The following LRRC7 variants were observed in gnomAD, a reference collection of about 807,000 sequenced individuals.
The protein encoded by LRRC7 is leucine-rich repeat-containing protein 7.
LRRC7 carries 23 observed loss-of-function variants against 175.7 expected under a neutral mutation model. The ratio of observed to expected loss-of-function variants is 0.13; its 90% confidence interval spans 0.09 to 0.19. The LOEUF (loss-of-function observed/expected upper bound fraction) is 0.19, where lower values mean the gene tolerates loss of function less well. Ranked by LOEUF, LRRC7 falls within the 10% of genes least tolerant of loss-of-function variation. LRRC7 has a pLI of 1.00. For missense variants in LRRC7, 1,354 were observed against 1,904.7 expected, an observed-to-expected ratio of 0.71 and a Z score of 5.38; for synonymous variants, 685 against 680.9, an observed-to-expected ratio of 1.01 and a Z score of -0.09.
chr1:69,771,841 C>G (rs141902898), intron 3 of LRRC7, among the ~76,000 whole-genome samples: 27 of 152,196 alleles, frequency 1.8e-4, no homozygotes, highest in Non-Finnish European at 3.5e-4. Flanking sequence ...AAGCAGGGGT[C>G]CAGGCACGGT....
rs1673708694 is a variant in LRRC7 at position 69,781,815 on chromosome 1, AAGG to A, written c.304-10226_304-10224del. Among the ~76,000 whole-genome samples, 8 of 97,864 alleles carry A rather than the reference AAGG, an allele frequency of 8.2e-5. 1 individual carries two copies. The highest frequency in any genetic ancestry group is 1.4e-4 in the Non-Finnish European group (7 of 48,660). 64.2% of individuals were successfully genotyped at this position (97,864 alleles called of 152,430 possible). ...GAAGGAAGGAAGGAAGGAAGGAAGG[AAGG>A]AAGGAAGGAAGGAAGGAAGGAAGGA... is the stretch of plus-strand genomic sequence containing the variant. On this transcript the variant is annotated intron_variant, in intron 3 of 26. Coordinates refer to ENST00000651989, the MANE Select transcript of LRRC7 (RefSeq NM_001370785.2).
chr1:69,742,150 C>G (rs1233111403), intron 2 of LRRC7, among the ~76,000 whole-genome samples: 1 of 151,940 alleles, frequency 6.6e-6, no homozygotes, highest in Non-Finnish European at 1.5e-5. Flanking sequence ...GAATAAAGTA[C>G]AGTGAGTACA....
At chr1:69,667,425 G>A (rs1658424280) in intron 1 of LRRC7, among the ~76,000 whole-genome samples, 1 of 152,022 alleles carries the variant, frequency 6.6e-6, no homozygotes, top group Admixed American at 6.6e-5. Context: ...AGCTTTTATT[G>A]TGTTGGGTTC....
At chr1:69,655,346 G>A (rs936929987) in intron 1 of LRRC7, among the ~76,000 whole-genome samples, 8 of 152,012 alleles carry the variant, frequency 5.3e-5, no homozygotes, top group Non-Finnish European at 1.0e-4. Context: ...CACCCCTGGA[G>A]AGTACAGCTT....
At chr1:69,744,844 AT>A (rs1669086798) in intron 2 of LRRC7, among the ~76,000 whole-genome samples, 1 of 151,910 alleles carries the variant, frequency 6.6e-6, no homozygotes, top group Admixed American at 6.6e-5. Flanking sequence ...TATTATAAAA[AT>A]ACACTTCCCT....
chr1:70,074,442 A>C (rs1442983886), intron 23 of LRRC7, among the ~76,000 whole-genome samples: 3 of 152,216 alleles, frequency 2.0e-5, no homozygotes, highest in East Asian at 1.9e-4. Context: ...ATTTCTGAGA[A>C]AGGAATAGAT....
chr1:69,824,193 T>C (rs1018573056), intron 4 of LRRC7, among the ~76,000 whole-genome samples: 2 of 152,082 alleles, frequency 1.3e-5, no homozygotes, highest in South Asian at 2.1e-4. Flanking sequence ...TAAGGCATCA[T>C]GTATAGCAGC....
intron 2 of LRRC7, among the ~76,000 whole-genome samples, chr1:69,680,390 A>G (rs1660328897): frequency 6.6e-6 from 1 of 152,182 alleles, no homozygotes; most frequent in South Asian, 2.1e-4. Context: ...TAAAGTATGT[A>G]TGTTAAGCTA....
intron 1 of LRRC7, among the ~76,000 whole-genome samples, chr1:69,659,090 T>TA: frequency 6.6e-6 from 1 of 152,088 alleles, no homozygotes; most frequent in African/African-American, 2.4e-5. Context: ...CACAGCCTAC[T>TA]AAGGAGGCAG....
At position 70,126,227 on chromosome 1, in the gene LRRC7, A is replaced by C. The variant is rs902882496; in HGVS notation, c.*4340A>C. On this transcript the variant is annotated 3_prime_UTR_variant, in exon 27 of 27. Transcript: ENST00000651989. ...CTCAAAGTCTTTGATAAATTCGATCAAACAACATATTTGACTAATTTGTGA... is the reference window on the plus strand; with the variant it reads ...CTCAAAGTCTTTGATAAATTCGATCCAACAACATATTTGACTAATTTGTGA... Among the ~76,000 whole-genome samples, 1 of 152,188 alleles carries C rather than the reference A, an allele frequency of 6.6e-6. No individual in the cohort carries two copies. The highest frequency in any genetic ancestry group is 2.4e-5 in the African/African-American group (1 of 41,450).
At chr1:70,063,628 G>A (rs79716243) in intron 23 of LRRC7, among the ~76,000 whole-genome samples, 5,216 of 152,066 alleles carry the variant, frequency 0.034, 193 homozygotes, top group African/African-American at 0.1. Flanking sequence ...CTTGATCTTT[G>A]TCTGACTTAC....
chr1:69,789,132 C>T (rs771704544), intron 3 of LRRC7, among the ~76,000 whole-genome samples: 72 of 152,136 alleles, frequency 4.7e-4, no homozygotes, highest in Middle Eastern at 3.4e-3. Context: ...TGCTGTGTTT[C>T]AGTTCTAAAT....
intron 11 of LRRC7, among the ~76,000 whole-genome samples, chr1:70,011,296 C>T (rs565863442): frequency 1.8e-4 from 27 of 151,848 alleles, no homozygotes; most frequent in Non-Finnish European, 4.0e-4. Flanking sequence ...TAAAATATTA[C>T]ATATCTTAAA....
rs1295949092 is a variant in LRRC7 at position 70,133,313 on chromosome 1, T to C, written c.*11426T>C. Among the ~76,000 whole-genome samples the C allele has an allele frequency of 4.0e-5, 6 of 151,854 alleles. No individual in the cohort carries two copies. Among genetic ancestry groups the C allele is most frequent in the African/African-American group, 7.3e-5 (3 of 41,336 alleles). ...TCGGCTCACTGCAACCTCCACCTCC[T>C]GGGTTCAAACGATTTTCCTGCCTCA... On this transcript the variant is annotated 3_prime_UTR_variant, in exon 27 of 27. Transcript: ENST00000651989.
chr1:70,012,953 A>G, intron 12 of LRRC7, 21 bp from the exon 13 acceptor site: 2 of 1,350,602 alleles, frequency 1.5e-6, no homozygotes, highest in East Asian at 5.2e-5. Flanking sequence ...TTTTTTACCT[A>G]TTTTCTTTTG....
chr1:70,065,206 GA>G (rs1258627040), intron 23 of LRRC7, among the ~76,000 whole-genome samples: 1 of 151,748 alleles, frequency 6.6e-6, no homozygotes. Context: ...ACTGTAATAC[GA>G]AAAAAACTCA....
At chr1:69,607,913 C>G (rs1647881944) in intron 1 of LRRC7, 2 of 152,152 alleles carry the variant, frequency 1.3e-5, no homozygotes, top group Admixed American at 1.3e-4. Context: ...TGTATAAACC[C>G]TTCCCAAATG....
At chr1:69,742,041 G>A (rs944165592) in intron 2 of LRRC7, among the ~76,000 whole-genome samples, 6 of 151,964 alleles carry the variant, frequency 3.9e-5, no homozygotes, top group Non-Finnish European at 8.8e-5. Context: ...AGCAAGAACA[G>A]AAATCTAAAA....
chr1:69,937,002 G>A (rs1648107785), intron 8 of LRRC7, among the ~76,000 whole-genome samples: 1 of 151,844 alleles, frequency 6.6e-6, no homozygotes, highest in African/African-American at 2.4e-5. Context: ...CTATGTCCTG[G>A]CTATCATGAA....
Sources: allele counts gnomAD v4.1 joint callset (sites outside exome capture counted in the v4.1 genomes callset), GRCh38; gene constraint gnomAD v4.1.1; transcripts MANE v1.5; gene names NCBI Gene and HGNC (gene_info 2026-07-23, HGNC 2026-07-21).